The following SPATA1 variants were observed in gnomAD, a reference collection of about 807,000 sequenced individuals.
The protein encoded by SPATA1 is spermatogenesis-associated protein 1.
A neutral mutation model predicts 59.6 loss-of-function variants in SPATA1; 57 were observed. The ratio of observed to expected loss-of-function variants is 0.96; its 90% CI spans 0.77 to 1.19. The LOEUF (loss-of-function observed/expected upper bound fraction) is 1.19. Ranked by LOEUF, SPATA1 falls within the 50% of genes most tolerant of loss-of-function variation. The probability of loss-of-function intolerance (pLI) is 0.00; values close to 1 mark genes in which losing one functional copy is unlikely to be tolerated. For synonymous variants in SPATA1, 147 were observed against 163.9 expected, an observed-to-expected ratio of 0.90 and a Z score of 0.79; for missense variants, 448 against 480.7, an observed-to-expected ratio of 0.93 and a Z score of 0.64.
intron 4 of SPATA1, among the ~76,000 whole-genome samples, chr1:84,522,913 T>C (rs1250612846): frequency 2.0e-5 from 2 of 98,962 alleles, no homozygotes; most frequent in African/African-American, 7.4e-5. Flanking sequence ...GGTGTCAACT[T>C]TTTTTTTTTT....
At chr1:84,548,925 G>A (rs1684185191) in exon 11 of SPATA1, 1 of 1,602,796 alleles carries the variant, frequency 6.2e-7, no homozygotes, top group Non-Finnish European at 8.5e-7. Flanking sequence ...GGGAGATCAA[G>A]ATGAGACCAA....
intron 4 of SPATA1, among the ~76,000 whole-genome samples, chr1:84,523,055 A>G (rs961755119): frequency 4.0e-5 from 6 of 151,812 alleles, no homozygotes; most frequent in African/African-American, 1.4e-4. Context: ...CAGGCATGCG[A>G]CACCACGCCC....
chr1:84,538,615 C>T (rs985547281), intron 8 of SPATA1, among the ~76,000 whole-genome samples: 13 of 152,136 alleles, frequency 8.5e-5, no homozygotes, highest in Non-Finnish European at 1.8e-4. Flanking sequence ...AAACAAAGCA[C>T]TTTGTGGACC....
At chr1:84,549,583 C>A (rs987639116) in intron 11 of SPATA1, 57 of 152,094 alleles carry the variant, frequency 3.7e-4, no homozygotes, top group African/African-American at 1.3e-3. Context: ...AAATTTTGAT[C>A]AGTTCTTTTT....
downstream of SPATA1, chr1:84,555,232 G>C (rs779324470): frequency 6.6e-7 from 1 of 1,512,574 alleles, no homozygotes; most frequent in Non-Finnish European, 9.1e-7. Flanking sequence ...AGATTTTAAA[G>C]TATTTAGTAC....
At chr1:84,534,469 T>A (rs956468207) in intron 8 of SPATA1, among the ~76,000 whole-genome samples, 1 of 152,084 alleles carries the variant, frequency 6.6e-6, no homozygotes, top group Non-Finnish European at 1.5e-5. Flanking sequence ...ATTCCCCTTT[T>A]ACAGATGAGG....
At chr1:84,549,087 A>C in intron 11 of SPATA1, 123 bp downstream of exon 11, 1 of 975,494 alleles carries the variant, frequency 1.0e-6, no homozygotes. Flanking sequence ...TAAAACAATA[A>C]AAAAACTCAT....
intron 8 of SPATA1, among the ~76,000 whole-genome samples, chr1:84,541,982 TTTC>T (rs1302417928): frequency 6.6e-6 from 1 of 152,122 alleles, no homozygotes; most frequent in Non-Finnish European, 1.5e-5. Flanking sequence ...TATTTTCATT[TTTC>T]TTGAGATGGA....
chr1:84,516,375 A>G (rs776282707), exon 2 of SPATA1: 1 of 1,517,220 alleles, frequency 6.6e-7, no homozygotes, highest in African/African-American at 1.4e-5. Context: ...ACTCAATCCA[A>G]GTCGACCTTC....
chr1:84,552,071 A>T (rs972948940), intron 12 of SPATA1: 2 of 152,166 alleles, frequency 1.3e-5, no homozygotes, highest in African/African-American at 2.4e-5. Flanking sequence ...GGGGGGAAAA[A>T]ATCCTGTATT....
intron 12 of SPATA1, chr1:84,550,798 A>T (rs996185939): frequency 9.8e-7 from 1 of 1,023,830 alleles, no homozygotes; most frequent in Admixed American, 5.6e-5. Flanking sequence ...CTGTGAGTCA[A>T]TATATTCTCA....
chr1:84,541,822 G>T (rs1683915863), intron 8 of SPATA1, among the ~76,000 whole-genome samples: 1 of 152,112 alleles, frequency 6.6e-6, no homozygotes, highest in South Asian at 2.1e-4. Context: ...TCCATTATCA[G>T]TAATAACAGG....
In SPATA1 at chr1:84,532,207, CAATT is replaced by C. The variant is rs372359338; in HGVS notation, c.545-650_545-647del. Reference sequence around the variant, plus strand: ...TGCTTTGGCAAACGGTTTGTAAAGACAATTAAGGCCGAACGCAGTGGCTTATGCC... The same window carrying C: ...TGCTTTGGCAAACGGTTTGTAAAGACAAGGCCGAACGCAGTGGCTTATGCC... On this transcript the variant is annotated intron_variant, in intron 6 of 12. Transcript: ENST00000490879. Among the ~76,000 whole-genome samples, 43 of 152,306 alleles carry C rather than the reference CAATT, an allele frequency of 2.8e-4. No homozygotes were observed. In the South Asian group the frequency reaches 8.5e-3, roughly 30 times the overall value.
At chr1:84,531,554 C>G (rs1186839454) in intron 6 of SPATA1, among the ~76,000 whole-genome samples, 1 of 144,798 alleles carries the variant, frequency 6.9e-6, no homozygotes, top group African/African-American at 2.6e-5. Context: ...CCAGGTTGCA[C>G]AATAGTTTGG....
At chr1:84,541,930 T>C (rs7524406) in intron 8 of SPATA1, among the ~76,000 whole-genome samples, 11,819 of 151,226 alleles carry the variant, frequency 0.078, 872 homozygotes, top group African/African-American at 0.19. Flanking sequence ...ATGCAGGTTT[T>C]TGAGTTTTTT....
At chr1:84,545,227 A>T (rs1177485543) in intron 9 of SPATA1, among the ~76,000 whole-genome samples, 2 of 148,476 alleles carry the variant, frequency 1.3e-5, no homozygotes, top group Non-Finnish European at 3.0e-5. Flanking sequence ...AAAAAAATAT[A>T]TATATATTTA....
In SPATA1 at chr1:84,516,391, C is replaced by A; in HGVS notation, c.32C>A (p.Ser11Ter). The change falls in exon 2 of 13, where the codon TCA (serine) becomes TAA (stop). Residue 11 changes from serine (S) to a stop codon, truncating the protein, a stop_gained. Transcript: ENST00000490879. LOFTEE classifies it high-confidence loss of function. The stretch of plus-strand genomic sequence containing the variant: ...CTCAATCCAAGTCGACCTTCCTCAT[C>A]AGAGGTAAGAAAATCTTTTTATACT... 2 of 1,486,626 alleles carry A rather than the reference C, an allele frequency of 1.3e-6. No individual in the cohort carries two copies. The highest frequency in any genetic ancestry group is 1.8e-6 in the Non-Finnish European group (2 of 1,116,434). 92.1% of individuals were successfully genotyped at this position (1,486,626 alleles called of 1,614,324 possible).
In SPATA1 at chr1:84,516,238, G is replaced by T; in HGVS notation, c.-122G>T. The T allele has an allele frequency of 1.4e-6, 1 of 740,526 alleles. No homozygotes were observed. The highest frequency in any genetic ancestry group is 2.1e-6 in the Non-Finnish European group (1 of 480,456). 45.9% of individuals were successfully genotyped at this position (740,526 alleles called of 1,614,324 possible). A position where few individuals can be genotyped will look rare whatever the true frequency, so the allele number is the denominator to read the frequency against. On this transcript the variant is annotated 5_prime_UTR_variant, in exon 2 of 13. It introduces an in-frame stop codon into an upstream open reading frame of the 5' UTR. Transcript: ENST00000490879. ...AACAAATCAGAGACCAGAAATGAGT[G>T]GAATGCTATCTTAAGCCAAAAAAAA...
At chr1:84,550,718 A>T in intron 12 of SPATA1, 188 bp downstream of exon 12, 1 of 1,169,892 alleles carries the variant, frequency 8.5e-7, no homozygotes, top group Non-Finnish European at 1.1e-6. Flanking sequence ...CTGTGAAAAG[A>T]TACATGATAT....
Sources: gnomAD v4.1 joint callset for allele counts (sites outside exome capture counted in the v4.1 genomes callset) on GRCh38, gnomAD v4.1.1 for gene constraint, MANE v1.5 for transcripts, NCBI Gene and HGNC (gene_info 2026-07-23, HGNC 2026-07-21) for gene names.